The following TMEM17 variants were observed in gnomAD, a reference collection of about 807,000 sequenced individuals.
The protein encoded by TMEM17 is transmembrane protein 17.
In TMEM17, 15 loss-of-function variants were observed where a neutral mutation model predicts 19.1. The observed-to-expected ratio is 0.78, with a 90% CI of 0.52 to 1.21. The LOEUF (loss-of-function observed/expected upper bound fraction) is 1.21. Ranked by LOEUF, TMEM17 falls within the 50% of genes most tolerant of loss-of-function variation. The pLI is 0.00. For missense variants in TMEM17, 245 were observed against 242.3 expected (o/e 1.01, Z -0.07); for synonymous variants, 103 against 86.9 (o/e 1.19, Z -1.03).
the TMEM17 span, among the ~76,000 whole-genome samples, chr2:62,492,744 A>G: frequency 6.6e-6 from 1 of 152,246 alleles, no homozygotes; most frequent in African/African-American, 2.4e-5. Context: ...CAGTGACTGT[A>G]GGACTGTGGG....
Position 62,502,525 on chromosome 2 carries a change from T to C in TMEM17, c.230A>G (p.Lys77Arg). The C allele has an allele frequency of 1.9e-6, 3 of 1,611,216 alleles. No homozygotes were observed. The highest frequency in any genetic ancestry group is 2.5e-6 in the Non-Finnish European group (3 of 1,178,110). Residue 77 changes from lysine (K) to arginine (R), a missense_variant, in exon 3 of 4, where the codon AAA becomes AGA. Coordinates refer to ENST00000335390, the MANE Select transcript of TMEM17 (RefSeq NM_198276.3). ...MKYSILPDYY[K>R]FIVITVIILI... Reference sequence around the variant, plus strand: ...GATGATAACAGTGATCACAATGAATTTGTAGTAGTCAGGTAAGATTGAATA... The same window carrying C: ...GATGATAACAGTGATCACAATGAATCTGTAGTAGTCAGGTAAGATTGAATA...
the TMEM17 span, among the ~76,000 whole-genome samples, chr2:62,492,428 C>A: frequency 6.6e-6 from 1 of 152,300 alleles, no homozygotes. Context: ...TTGTTATTTG[C>A]ATGAGTTTTG....
the TMEM17 span, among the ~76,000 whole-genome samples, chr2:62,457,881 A>C: frequency 1.3e-5 from 2 of 152,190 alleles, no homozygotes; most frequent in Admixed American, 1.3e-4. The surrounding 1 kb of genome is among the most constrained non-coding windows in gnomAD (Gnocchi z 4.2). Context: ...AAGGGAGCTA[A>C]GACCTTCATT....
the TMEM17 span, among the ~76,000 whole-genome samples, chr2:62,490,351 C>T: frequency 2.0e-5 from 3 of 152,144 alleles, no homozygotes; most frequent in Non-Finnish European, 2.9e-5. Flanking sequence ...GCAGCCTCAA[C>T]CACCCAGGCT....
chr2:62,460,073 G>C, the TMEM17 span, among the ~76,000 whole-genome samples: 4 of 152,210 alleles, frequency 2.6e-5, no homozygotes, highest in Admixed American at 6.5e-5. Context: ...GCCTGTTACT[G>C]TGAGTAACTG....
chr2:62,503,341 G>A (rs1459581986), intron 1 of TMEM17, among the ~76,000 whole-genome samples: 1 of 152,060 alleles, frequency 6.6e-6, no homozygotes, highest in Non-Finnish European at 1.5e-5. Flanking sequence ...CCCCACCTCA[G>A]CAGAAATACC....
the TMEM17 span, among the ~76,000 whole-genome samples, chr2:62,488,428 T>C: frequency 6.8e-6 from 1 of 146,944 alleles, no homozygotes; most frequent in Non-Finnish European, 1.5e-5. Context: ...GAAGGAGGAG[T>C]AGACAATTTG....
chr2:62,491,202 T>C, the TMEM17 span: 1 of 152,382 alleles, frequency 6.6e-6, no homozygotes, highest in Non-Finnish European at 1.5e-5. Context: ...AGTGTGCCTG[T>C]AGTCCCAGCC....
At chr2:62,471,341 C>A in the TMEM17 span, among the ~76,000 whole-genome samples, 1 of 152,082 alleles carries the variant, frequency 6.6e-6, no homozygotes, top group Non-Finnish European at 1.5e-5. Flanking sequence ...CTCAGAGGCT[C>A]CATTAACTCG....
At chr2:62,466,292 C>G in the TMEM17 span, among the ~76,000 whole-genome samples, 1 of 152,086 alleles carries the variant, frequency 6.6e-6, no homozygotes, top group African/African-American at 2.4e-5. Flanking sequence ...GCAGTGAAAG[C>G]GGAACCTTCC....
intron 1 of TMEM17, among the ~76,000 whole-genome samples, chr2:62,505,466 T>G (rs1680040478): frequency 6.7e-6 from 1 of 149,704 alleles, no homozygotes; most frequent in East Asian, 2.0e-4. Flanking sequence ...ACTCATTAAC[T>G]TTTTTTTTTA....
the TMEM17 span, among the ~76,000 whole-genome samples, chr2:62,455,414 A>G: frequency 6.6e-6 from 1 of 152,250 alleles, no homozygotes; most frequent in Non-Finnish European, 1.5e-5. Flanking sequence ...ATGAACATTC[A>G]TAGCTTCTGT....
the TMEM17 span, among the ~76,000 whole-genome samples, chr2:62,457,314 TG>T: frequency 8.5e-4 from 130 of 152,208 alleles, no homozygotes; most frequent in African/African-American, 3.1e-3. The surrounding 1 kb of genome is among the most constrained non-coding windows in gnomAD (Gnocchi z 4.2). Flanking sequence ...GAGACTGCCT[TG>T]GGTGTGGCAG....
At chr2:62,465,530 T>C in the TMEM17 span, among the ~76,000 whole-genome samples, 1 of 151,924 alleles carries the variant, frequency 6.6e-6, no homozygotes, top group Non-Finnish European at 1.5e-5. Flanking sequence ...CCTAGCACTT[T>C]GGGAGGCTGA....
chr2:62,453,717 C>T, the TMEM17 span, among the ~76,000 whole-genome samples: 2 of 152,186 alleles, frequency 1.3e-5, no homozygotes, highest in South Asian at 2.1e-4. Context: ...GGGCTATTCC[C>T]ATTCCTCTGT....
At position 62,501,155 on chromosome 2, in the gene TMEM17, T is replaced by G; in HGVS notation, c.*54A>C. ...TTTTCTCAGAGCTCTGATATTTTCC[T>G]AACTCTTACAGTCTCTAGAATGATC... On this transcript the variant is annotated 3_prime_UTR_variant, in exon 4 of 4. Transcript: ENST00000335390. 2 of 1,555,720 alleles carry G rather than the reference T, an allele frequency of 1.3e-6. No homozygotes were observed. The highest frequency in any genetic ancestry group is 1.7e-6 in the Non-Finnish European group (2 of 1,148,570).
the TMEM17 span, among the ~76,000 whole-genome samples, chr2:62,477,993 T>C: frequency 6.6e-6 from 1 of 152,232 alleles, no homozygotes; most frequent in Non-Finnish European, 1.5e-5. Context: ...AGCTCCCCAG[T>C]AGTCCCACCA....
At chr2:62,467,768 A>G in the TMEM17 span, among the ~76,000 whole-genome samples, 1 of 152,170 alleles carries the variant, frequency 6.6e-6, no homozygotes, top group African/African-American at 2.4e-5. Flanking sequence ...TCTAAGCTCC[A>G]GAGACATGGA....
At chr2:62,490,337 G>A in the TMEM17 span, among the ~76,000 whole-genome samples, 1 of 152,060 alleles carries the variant, frequency 6.6e-6, no homozygotes, top group African/African-American at 2.4e-5. Flanking sequence ...AATCCTGGCT[G>A]ACCGCAGCCT....
Sources: gnomAD v4.1 joint callset for allele counts (sites outside exome capture counted in the v4.1 genomes callset) on GRCh38, gnomAD v4.1.1 for gene constraint, Gnocchi (gnomAD v3.1) non-coding constraint, MANE v1.5 for transcripts, NCBI Gene and HGNC (gene_info 2026-07-23, HGNC 2026-07-21) for gene names.